The following ANK1 variants were observed in gnomAD, a reference collection of about 807,000 sequenced individuals.
ANK1 encodes ankyrin 1.
In ANK1, 51 loss-of-function variants were observed where a neutral mutation model predicts 210.4. The ratio of observed to expected loss-of-function variants is 0.24; its 90% confidence interval spans 0.19 to 0.31. The LOEUF (loss-of-function observed/expected upper bound fraction) is 0.31. Ranked by LOEUF, ANK1 falls within the 10% of genes least tolerant of loss-of-function variation. The pLI is 1.00. For missense variants in ANK1, 2,051 were observed against 2,504.4 expected, an observed-to-expected ratio of 0.82 and a Z score of 3.86; for synonymous variants, 967 against 1,025.9, an observed-to-expected ratio of 0.94 and a Z score of 1.10.
At position 41,690,526 on chromosome 8, in the gene ANK1, C is replaced by T. The variant is rs182408750; in HGVS notation, c.3932G>A (p.Arg1311Gln). 111 of 1,614,166 alleles carry T rather than the reference C, an allele frequency of 6.9e-5. No homozygotes were observed. Among genetic ancestry groups the T allele is most frequent in the East Asian group, 2.0e-4 (9 of 44,882 alleles). The change falls in exon 32 of 43, where the codon CGG becomes CAG. Residue 1311 changes from arginine to glutamine, a missense_variant. By Grantham distance (43) the Arg-to-Gln change is conservative. Coordinates refer to ENST00000289734, the MANE Select transcript of ANK1 (RefSeq NM_000037.4). ...LVPVKKAAQQ[R>Q]SFHFQSFREN... ...CCGAAATGACTGGAAGTGGAAGCTC[C>T]GCTGCTGGGCAGCTTTCTTCACAGG...
In ANK1 at chr8:41,715,736, G is replaced by A; in HGVS notation, c.1518C>T (p.Pro506=). ...GGCCCTCACGGGCTGCAATGTGCAG[G>A]GGGGTGTGCCCGGCGGTGGTGGCCA... ...PNLATTAGHT[P]LHIAAREGHV... Residue 506 remains proline (P), a synonymous_variant, in exon 14 of 43, where the codon CCC becomes CCT. Coordinates refer to ENST00000289734, the MANE Select transcript of ANK1 (RefSeq NM_000037.4). 6.2e-7 allele frequency: 1 copy of A among 1,614,204 alleles called. No individual in the cohort carries two copies. Among genetic ancestry groups the A allele is most frequent in the Non-Finnish European group, 8.5e-7 (1 of 1,180,042 alleles).
intron 1 of ANK1, among the ~76,000 whole-genome samples, chr8:41,806,995 T>C (rs1269611356): frequency 6.6e-6 from 1 of 152,254 alleles, no homozygotes. Context: ...TTAGATACTT[T>C]ACAATAATGC....
intron 30 of ANK1, 27 bp from the exon 31 acceptor site, chr8:41,692,903 C>T: frequency 6.2e-7 from 1 of 1,602,424 alleles, no homozygotes; most frequent in Non-Finnish European, 8.5e-7. Context: ...GTTATGTGTT[C>T]CCAAGTGCCC....
chr8:41,717,020 C>G lies in ANK1; in HGVS notation c.1337G>C (p.Arg446Thr), dbSNP rs142010751. ...TTTGGCCACTTCCGTGTGCCCGGCT[C>G]TGGCTGCCATGTGTAGCGGGGTCTC... ...KVETPLHMAA[R>T]AGHTEVAKYL... The change falls in exon 13 of 43, where the codon AGA becomes ACA. Residue 446 changes from arginine to threonine, a missense_variant. Physicochemically the swap from Arg to Thr is moderately conservative, Grantham distance 71. Transcript: ENST00000289734. The G allele has an allele frequency of 4.6e-4, 738 of 1,614,136 alleles. 1 individual carries two copies. The highest frequency in any genetic ancestry group is 3.3e-4 in the Non-Finnish European group (384 of 1,180,052).
intron 1 of ANK1, among the ~76,000 whole-genome samples, chr8:41,874,149 G>A (rs925490569): frequency 2.6e-5 from 4 of 152,218 alleles, no homozygotes; most frequent in Admixed American, 6.5e-5. Context: ...TGGATGTCCC[G>A]CAGGTAGGTA....
chr8:41,881,553 T>A (rs1046810160), intron 1 of ANK1, among the ~76,000 whole-genome samples: 2 of 152,238 alleles, frequency 1.3e-5, no homozygotes, highest in African/African-American at 4.8e-5. Context: ...AACTGGTATA[T>A]AACATTCCCA....
chr8:41,656,877 A>C (rs1204672287), intron 42 of ANK1, among the ~76,000 whole-genome samples: 1 of 152,104 alleles, frequency 6.6e-6, no homozygotes, highest in African/African-American at 2.4e-5. Flanking sequence ...GCTGCTGTAG[A>C]ACTGTAAAGC....
chr8:41,848,227 T>TAAATAAAA (rs1554650941), intron 1 of ANK1, among the ~76,000 whole-genome samples: 1 of 151,404 alleles, frequency 6.6e-6, no homozygotes, highest in Non-Finnish European at 1.5e-5. Context: ...AATAAATAAA[T>TAAATAAAA]AAAACTGTGC....
intron 33 of ANK1, among the ~76,000 whole-genome samples, chr8:41,689,307 T>G (rs1818612010): frequency 6.6e-6 from 1 of 151,574 alleles, no homozygotes; most frequent in South Asian, 2.1e-4. Flanking sequence ...TTTTTTTTTT[T>G]TTGTACAGAC....
rs1434002884 is a variant in ANK1 at position 41,704,464 on chromosome 8, G to A, written c.2106C>T (p.Tyr702=). ...VMVDATTRMG[Y]TPLHVASHYG... is the part of the protein sequence containing the mutation. Reference sequence around the variant, plus strand: ...AGTGACTGGCCACATGGAGGGGAGTGTAGCCCATCTGAAAAGCAGATGAGA... The same window carrying A: ...AGTGACTGGCCACATGGAGGGGAGTATAGCCCATCTGAAAAGCAGATGAGA... The change falls in exon 19 of 43, where the codon TAC becomes TAT. Residue 702 remains tyrosine, a synonymous_variant. Transcript: ENST00000289734. This position sits in a 1 kb window ranked among gnomAD's most constrained non-coding sequence, Gnocchi z 4.1. 1.2e-6 allele frequency: 2 copies of A among 1,614,064 alleles called. No homozygotes were observed. Among genetic ancestry groups the A allele is most frequent in the South Asian group, 1.1e-5 (1 of 91,082 alleles).
At chr8:41,792,509 CA>C (rs1847949464) in intron 1 of ANK1, among the ~76,000 whole-genome samples, 2 of 152,214 alleles carry the variant, frequency 1.3e-5, no homozygotes, top group Admixed American at 1.3e-4. Flanking sequence ...ATTCACTTAA[CA>C]AATCTATTTT....
chr8:41,706,823 G>A (rs1014282383), intron 17 of ANK1, among the ~76,000 whole-genome samples: 1 of 152,234 alleles, frequency 6.6e-6, no homozygotes, highest in Admixed American at 6.5e-5. Flanking sequence ...AAATGGCTGG[G>A]CGCGGCGGCT....
At chr8:41,774,455 G>A (rs111973532) in intron 1 of ANK1, among the ~76,000 whole-genome samples, 2 of 152,292 alleles carry the variant, frequency 1.3e-5, no homozygotes, top group African/African-American at 2.4e-5. Flanking sequence ...AACAGCCTGG[G>A]GACCACTGTC....
chr8:41,776,836 G>A (rs7013826), intron 1 of ANK1, among the ~76,000 whole-genome samples: 3,121 of 152,314 alleles, frequency 0.02, 29 homozygotes, highest in Non-Finnish European at 0.029. Context: ...TCCTTTCAAC[G>A]GGGTGCTTAG....
At chr8:41,803,001 G>GAA (rs1179936911) in intron 1 of ANK1, among the ~76,000 whole-genome samples, 1 of 72,706 alleles carries the variant, frequency 1.4e-5, no homozygotes, top group African/African-American at 8.0e-5. Flanking sequence ...AAGAGAGAAA[G>GAA]AAAGAAAGAA....
At chr8:41,803,064 G>A (rs1185376644) in intron 1 of ANK1, among the ~76,000 whole-genome samples, 11 of 65,276 alleles carry the variant, frequency 1.7e-4, no homozygotes, top group East Asian at 7.7e-4. Context: ...AGAGAGAAAG[G>A]AAGGAAGGAA....
rs373965109 is a variant in ANK1, at chr8:41,684,589, G to A, written c.4492C>T (p.Arg1498Trp). ...RQSRNLKPDR[R>W]HTDRDYSLSP... ...AGCGAGTAGTCGCGGTCGGTGTGCC[G>A]CCTGTCTGGCTTCAAGTTGCGGCTC... is the stretch of plus-strand genomic sequence containing the variant. Residue 1498 changes from arginine (R) to tryptophan (W), a missense_variant, in exon 37 of 43, where the codon CGG (arginine) becomes TGG (tryptophan). By Grantham distance (101) the Arg-to-Trp change is moderately radical (BLOSUM62 -3). Coordinates refer to ENST00000289734, the MANE Select transcript of ANK1 (RefSeq NM_000037.4). The A allele has an allele frequency of 5.0e-5, 80 of 1,613,666 alleles. No homozygotes were observed. The African/African-American group carries it at 6.7e-4, about 13-fold the overall frequency.
intron 1 of ANK1, among the ~76,000 whole-genome samples, chr8:41,816,116 T>C (rs1162243734): frequency 6.6e-6 from 1 of 152,240 alleles, no homozygotes; most frequent in Non-Finnish European, 1.5e-5. Flanking sequence ...CAATTATGTT[T>C]GGATTATTCA....
chr8:41,891,773 G>A (rs1819504591), intron 1 of ANK1, among the ~76,000 whole-genome samples: 1 of 152,206 alleles, frequency 6.6e-6, no homozygotes, highest in African/African-American at 2.4e-5. Context: ...CATTTATGGA[G>A]GCTCCCGAGG....
Sources: allele counts gnomAD v4.1 joint callset (sites outside exome capture counted in the v4.1 genomes callset), GRCh38; gene constraint gnomAD v4.1.1; non-coding constraint Gnocchi (gnomAD v3.1); transcripts MANE v1.5; gene names NCBI Gene and HGNC (gene_info 2026-07-23, HGNC 2026-07-21).